Variants in FAN1 observed in about 807,000 individuals in gnomAD.
FAN1 encodes the protein FANCD2 and FANCI associated nuclease 1.
A neutral mutation model predicts 104.9 loss-of-function variants in FAN1; 91 were observed. The observed-to-expected ratio is 0.87, with a 90% CI of 0.73 to 1.03. FAN1 has a LOEUF of 1.03. FAN1 is among the 50% of genes least tolerant of loss of function. The probability of loss-of-function intolerance (pLI) is 0.00; values close to 1 mark genes in which losing one functional copy is unlikely to be tolerated. For missense variants in FAN1, 1,263 were observed against 1,239.9 expected (o/e 1.02, Z -0.28); for synonymous variants, 478 against 457.6 (o/e 1.04, Z -0.57).
intron 4 of FAN1, 145 bp from the exon 5 acceptor site, chr15:30,913,713 C>T (rs965110347): frequency 4.8e-6 from 3 of 620,866 alleles, no homozygotes; most frequent in Admixed American, 3.0e-5. Flanking sequence ...TGGGTGAGCT[C>T]TCAGCCCCAG....
At chr15:30,930,407 A>G (rs1321577461) in intron 12 of FAN1, 136 bp from the exon 13 acceptor site, 6 of 980,676 alleles carry the variant, frequency 6.1e-6, no homozygotes, top group South Asian at 6.1e-5. Context: ...GCAGCAGAAC[A>G]GCGCATGGTG....
At chr15:30,937,447 CTTTTTTT>C (rs11317050) in intron 14 of FAN1, among the ~76,000 whole-genome samples, 188 bp downstream of exon 14, 20 of 78,980 alleles carry the variant, frequency 2.5e-4, no homozygotes, top group Admixed American at 1.5e-3. Context: ...GGGTAATAAA[CTTTTTTT>C]TTTTTTTTTT....
At chr15:30,935,946 T>C (rs993674450) in intron 13 of FAN1, among the ~76,000 whole-genome samples, 11 of 152,214 alleles carry the variant, frequency 7.2e-5, no homozygotes, top group Admixed American at 3.3e-4. Flanking sequence ...CTGGGATTCA[T>C]TGATTTTCTT....
chr15:30,912,252 A>G (rs1220597610), intron 4 of FAN1, among the ~76,000 whole-genome samples: 1 of 152,250 alleles, frequency 6.6e-6, no homozygotes, highest in Non-Finnish European at 1.5e-5. Flanking sequence ...TTCTGATGGT[A>G]AAGCCCAGCA....
chr15:30,904,783 T>C lies in FAN1; in HGVS notation c.120T>C (p.Ala40=). 3 of 1,613,696 alleles carry C rather than the reference T, an allele frequency of 1.9e-6. No individual in the cohort carries two copies. The highest frequency in any genetic ancestry group is 2.5e-6 in the Non-Finnish European group (3 of 1,179,622). ...IISCFNNAPP[A]KLACPVCSKM... ...CGTGTTTTAACAATGCACCACCTGC[T>C]AAACTTGCCTGCCCCGTTTGCAGTA... is the stretch of plus-strand genomic sequence containing the variant. The change falls in exon 2 of 15, where the codon GCT becomes GCC. Residue 40 remains alanine, a synonymous_variant. Coordinates refer to ENST00000362065, the MANE Select transcript of FAN1 (RefSeq NM_014967.5).
chr15:30,908,053 T>G (rs992695172), intron 2 of FAN1, 65 bp from the exon 3 acceptor site: 1 of 1,371,366 alleles, frequency 7.3e-7, no homozygotes, highest in African/African-American at 1.5e-5. Context: ...AATCGTACAT[T>G]TATTCACCTT....
At chr15:30,922,097 T>A (rs1302548539) in intron 7 of FAN1, 138 bp from the exon 8 acceptor site, 1 of 1,096,266 alleles carries the variant, frequency 9.1e-7, no homozygotes, top group African/African-American at 1.6e-5. Flanking sequence ...GTCCTGTCAG[T>A]TCGGGGTCCT....
At chr15:30,917,604 C>G (rs2062222723) in intron 5 of FAN1, among the ~76,000 whole-genome samples, 1 of 152,136 alleles carries the variant, frequency 6.6e-6, no homozygotes, top group African/African-American at 2.4e-5. Flanking sequence ...GGTCAAATGT[C>G]TTTGTTTTTT....
Position 30,926,297 on chromosome 15 carries a change from T to C in FAN1, c.2488+358T>C, listed in dbSNP as rs549115728. Among the ~76,000 whole-genome samples, 24 of 152,346 alleles carry C rather than the reference T, an allele frequency of 1.6e-4. No individual in the cohort carries two copies. The South Asian group carries it at 3.3e-3, about 21-fold the overall frequency. On this transcript the variant is annotated intron_variant, in intron 10 of 14. Transcript: ENST00000362065. ...TCTCTCCTGCCCCTTCCCTGGGATTTTAGAAGCTGGCCCCAGATATCCTCT... is the reference window on the plus strand; with the variant it reads ...TCTCTCCTGCCCCTTCCCTGGGATTCTAGAAGCTGGCCCCAGATATCCTCT...
At chr15:30,929,491 TATATGTAAATACATGTATGTGTGTGC>T in intron 12 of FAN1, 94 bp downstream of exon 12, 1 of 798,700 alleles carries the variant, frequency 1.3e-6, no homozygotes, top group Non-Finnish European at 2.0e-6. Flanking sequence ...CACATGTGTG[TATATGTAAATACATGTATGTGTGTGC>T]ATATATATGA....
Position 30,934,270 on chromosome 15 carries a change from A to G in FAN1, c.2917-2849A>G, listed in dbSNP as rs144623720. On this transcript the variant is annotated intron_variant, in intron 13 of 14. Coordinates refer to ENST00000362065, the MANE Select transcript of FAN1 (RefSeq NM_014967.5). ...CCTTCTTTTTTTTAATGTTAACATG[A>G]TACATTTTTCCATTCTTTTACTTTT... Among the ~76,000 whole-genome samples the G allele has an allele frequency of 4.2e-3, 643 of 152,056 alleles. 2 individuals are homozygous for G. The highest frequency in any genetic ancestry group is 0.015 in the African/African-American group (607 of 41,446).
rs1595905163 is a variant in FAN1, at chr15:30,942,642, T to C, written c.*1080T>C. The C allele has an allele frequency of 2.2e-6, 1 of 461,288 alleles. No homozygotes were observed. The allele number at this position is 461,288 out of a possible 1,614,324, so 28.6% of individuals were successfully genotyped here. ...ATCAAGAAATGGATAAATGGGGCTT[T>C]AGTAAATCAGGCTTGCAGGCTCAAA... is the stretch of plus-strand genomic sequence containing the variant. On this transcript the variant is annotated 3_prime_UTR_variant, in exon 15 of 15. Coordinates refer to ENST00000362065, the MANE Select transcript of FAN1 (RefSeq NM_014967.5).
chr15:30,941,292 C>T (rs950873439), intron 14 of FAN1: 1 of 1,512,120 alleles, frequency 6.6e-7, no homozygotes, highest in African/African-American at 1.4e-5. Context: ...AAATTTACAT[C>T]TCTCTTAAAA....
rs1242187640 is a variant in FAN1 at position 30,929,946 on chromosome 15, T to C, written c.2787+549T>C. Among the ~76,000 whole-genome samples, 6 of 120,486 alleles carry C rather than the reference T, an allele frequency of 5.0e-5. 1 individual carries two copies. The highest frequency in any genetic ancestry group is 2.0e-4 in the African/African-American group (6 of 29,820). The allele number at this position is 120,486 out of a possible 152,430, so 79.0% of individuals were successfully genotyped here. A position where few individuals can be genotyped will look rare whatever the true frequency, so the allele number is the denominator to read the frequency against. On this transcript the variant is annotated intron_variant, in intron 12 of 14. Transcript: ENST00000362065. ...CATATATAATATATAAAATATATAATATAATATATATCATATAATATATAA... is the reference window on the plus strand; with the variant it reads ...CATATATAATATATAAAATATATAACATAATATATATCATATAATATATAA...
chr15:30,937,051 A>G (rs951087627), intron 13 of FAN1, 68 bp from the exon 14 acceptor site: 2 of 1,364,322 alleles, frequency 1.5e-6, no homozygotes, highest in African/African-American at 1.4e-5. Context: ...AGTGACAACT[A>G]CAACTTACTT....
intron 12 of FAN1, among the ~76,000 whole-genome samples, chr15:30,929,953 T>C (rs1289511672): frequency 8.2e-6 from 1 of 122,576 alleles, no homozygotes; most frequent in East Asian, 2.1e-4. Flanking sequence ...TAATATAATA[T>C]ATATCATATA....
intron 13 of FAN1, among the ~76,000 whole-genome samples, chr15:30,932,288 T>G (rs1342736641): frequency 1.3e-5 from 2 of 149,262 alleles, no homozygotes; most frequent in Non-Finnish European, 3.0e-5. Flanking sequence ...TGTAGACCAA[T>G]CTGAGAGGAA....
chr15:30,933,976 G>T (rs2062786063), intron 13 of FAN1, among the ~76,000 whole-genome samples: 1 of 152,068 alleles, frequency 6.6e-6, no homozygotes, highest in African/African-American at 2.4e-5. Context: ...TGCCCAGGCT[G>T]GTCTCAAACT....
intron 14 of FAN1, chr15:30,939,801 T>C (rs1489286049): frequency 2.0e-6 from 2 of 985,182 alleles, no homozygotes; most frequent in East Asian, 1.1e-4. Flanking sequence ...TATAAGGAGA[T>C]TGGGTCTGGT....
Sources: allele counts gnomAD v4.1 joint callset (sites outside exome capture counted in the v4.1 genomes callset), GRCh38; gene constraint gnomAD v4.1.1; transcripts MANE v1.5; gene names NCBI Gene and HGNC (gene_info 2026-07-23, HGNC 2026-07-21).